Variants in MYLK4 observed in about 807,000 individuals in gnomAD.
MYLK4 encodes myosin light chain kinase family member 4, also known as caMLCK like.
Under a neutral mutation model 48.1 loss-of-function variants are expected in MYLK4, and 46 were observed. The observed-to-expected ratio is 0.96, with a 90% CI of 0.75 to 1.22. The LOEUF is 1.22. MYLK4 is among the 50% of genes most tolerant of loss of function. The pLI, the probability that MYLK4 is intolerant of heterozygous loss-of-function variation, is 0.00. For missense variants in MYLK4, 451 were observed against 486.1 expected, an observed-to-expected ratio of 0.93 and a Z score of 0.68; for synonymous variants, 170 against 180.8, an observed-to-expected ratio of 0.94 and a Z score of 0.48.
chr6:2,676,752 G>T (rs1018132905), intron 10 of MYLK4, among the ~76,000 whole-genome samples: 2 of 152,168 alleles, frequency 1.3e-5, no homozygotes, highest in African/African-American at 4.8e-5. Flanking sequence ...CTCTGCATCT[G>T]CTCTGAGATA....
the MYLK4 span, among the ~76,000 whole-genome samples, chr6:2,756,892 A>G: frequency 6.6e-6 from 1 of 152,242 alleles, no homozygotes. Flanking sequence ...GTTTATGTTT[A>G]TGTTCTCGGG....
intron 10 of MYLK4, among the ~76,000 whole-genome samples, chr6:2,675,439 C>T (rs929193908): frequency 6.6e-6 from 1 of 152,156 alleles, no homozygotes; most frequent in African/African-American, 2.4e-5. Flanking sequence ...GGATTCCTAT[C>T]AGTCAGTTGA....
chr6:2,669,835 C>T (rs564177547), intron 12 of MYLK4, among the ~76,000 whole-genome samples: 1 of 152,328 alleles, frequency 6.6e-6, no homozygotes, highest in African/African-American at 2.4e-5. Context: ...ATGGAATGCA[C>T]AAGCCTTCCT....
rs1268984162 is a variant in MYLK4 at position 2,667,722 on chromosome 6, A to T, written c.*203T>A. 6.6e-6 allele frequency: 1 copy of T among 152,620 alleles called. No individual in the cohort carries two copies. Among genetic ancestry groups the T allele is most frequent in the Non-Finnish European group, 1.5e-5 (1 of 68,032 alleles). 9.5% of individuals were successfully genotyped at this position (152,620 alleles called of 1,614,324 possible). ...TGCAGGGATGTGTTTGCGCCCTGAG[A>T]CCAGACCGCAGCGCTGGGTGTTCCT... On this transcript the variant is annotated 3_prime_UTR_variant, in exon 13 of 13. Coordinates refer to ENST00000274643, the MANE Select transcript of MYLK4 (RefSeq NM_001012418.5).
At chr6:2,676,071 G>A (rs1258546087) in intron 10 of MYLK4, among the ~76,000 whole-genome samples, 1 of 139,896 alleles carries the variant, frequency 7.1e-6, no homozygotes, top group Non-Finnish European at 1.5e-5. Flanking sequence ...CAGCCTAGGT[G>A]ACAGTGTGAG....
chr6:2,755,456 C>A (rs1055961556), upstream of MYLK4, among the ~76,000 whole-genome samples: 2 of 152,198 alleles, frequency 1.3e-5, no homozygotes, highest in African/African-American at 4.8e-5. Flanking sequence ...ATAACAGAAT[C>A]TACTCAAAAA....
At chr6:2,766,493 A>G in the MYLK4 span, 431,754 of 1,454,220 alleles carry the variant, frequency 0.3, 65,154 homozygotes, top group East Asian at 0.37. Context: ...TCGGCGGTGG[A>G]TGCAGCTGAT....
At chr6:2,698,201 T>C (rs1006864576) in intron 2 of MYLK4, among the ~76,000 whole-genome samples, 1 of 152,184 alleles carries the variant, frequency 6.6e-6, no homozygotes, top group Admixed American at 6.5e-5. Context: ...TTGTAATAAT[T>C]TGTAGCTGTG....
At chr6:2,768,618 G>A in the MYLK4 span, 2 of 1,325,558 alleles carry the variant, frequency 1.5e-6, no homozygotes, top group Non-Finnish European at 2.0e-6. Flanking sequence ...TGCTGCGTGT[G>A]GTGGTTCCCA....
intron 3 of MYLK4, among the ~76,000 whole-genome samples, chr6:2,690,953 C>G (rs57389275): frequency 0.013 from 2,017 of 151,774 alleles, 49 homozygotes; most frequent in African/African-American, 0.047. Flanking sequence ...CTCAGCCTCC[C>G]GAGTAGCTGG....
upstream of MYLK4, among the ~76,000 whole-genome samples, chr6:2,753,410 T>C (rs1244234563): frequency 6.6e-6 from 1 of 152,142 alleles, no homozygotes; most frequent in Non-Finnish European, 1.5e-5. Flanking sequence ...AATACCCAAA[T>C]GCAAATAAAA....
chr6:2,764,658 T>G, the MYLK4 span, among the ~76,000 whole-genome samples: 12 of 152,322 alleles, frequency 7.9e-5, no homozygotes, highest in African/African-American at 2.9e-4. Context: ...AGGACGTAAT[T>G]GCACACGGGC....
intron 12 of MYLK4, among the ~76,000 whole-genome samples, chr6:2,669,886 T>C (rs1289129855): frequency 6.6e-6 from 1 of 152,240 alleles, no homozygotes; most frequent in African/African-American, 2.4e-5. Context: ...ACAGGGCACA[T>C]GTAAGCGTCC....
the MYLK4 span, chr6:2,765,583 G>A: frequency 2.8e-6 from 4 of 1,451,572 alleles, no homozygotes; most frequent in Non-Finnish European, 2.7e-6. Context: ...CGCACGGGTT[G>A]CTGCGGCCGC....
At chr6:2,744,003 C>A in intron 2 of MYLK4, 1 of 399,038 alleles carries the variant, frequency 2.5e-6, no homozygotes, top group Non-Finnish European at 4.4e-6. Context: ...CTACCTACAA[C>A]CCAGACGTCT....
At chr6:2,744,400 A>G (rs899356863) in intron 2 of MYLK4, among the ~76,000 whole-genome samples, 6 of 152,248 alleles carry the variant, frequency 3.9e-5, no homozygotes, top group African/African-American at 1.4e-4. Flanking sequence ...GGCCACTGCC[A>G]GGGAGCTTTC....
intron 8 of MYLK4, among the ~76,000 whole-genome samples, chr6:2,679,896 A>G (rs1186130511): frequency 6.6e-6 from 1 of 152,226 alleles, no homozygotes; most frequent in Non-Finnish European, 1.5e-5. Flanking sequence ...CGTTGTTAAT[A>G]TTTTTAAAGT....
At chr6:2,727,378 G>A (rs974136579) in intron 2 of MYLK4, among the ~76,000 whole-genome samples, 1 of 152,198 alleles carries the variant, frequency 6.6e-6, no homozygotes, top group Non-Finnish European at 1.5e-5. Context: ...GCCACGGAAA[G>A]AGCTGCCCAG....
chr6:2,712,205 A>G (rs1012430185), intron 2 of MYLK4, among the ~76,000 whole-genome samples: 1 of 152,226 alleles, frequency 6.6e-6, no homozygotes, highest in Non-Finnish European at 1.5e-5. Context: ...TGTTCAGCAG[A>G]GGCCACCTGA....
Sources: allele counts gnomAD v4.1 joint callset (sites outside exome capture counted in the v4.1 genomes callset), GRCh38; gene constraint gnomAD v4.1.1; transcripts MANE v1.5; gene names NCBI Gene and HGNC (gene_info 2026-07-23, HGNC 2026-07-21).